SP6: variants seen among roughly 807,000 people sequenced by gnomAD.
The protein encoded by SP6 is transcription factor Sp6.
Under a neutral mutation model 23.4 loss-of-function variants are expected in SP6, and 10 were observed. The observed-to-expected ratio is 0.43, with a 90% CI of 0.26 to 0.72. The LOEUF is 0.72. Ranked by LOEUF, SP6 falls within the 30% of genes least tolerant of loss-of-function variation. SP6 has a pLI of 0.23. For synonymous variants in SP6, 238 were observed against 238.7 expected, an observed-to-expected ratio of 1.00 and a Z score of 0.03; for missense variants, 482 against 523.8, an observed-to-expected ratio of 0.92 and a Z score of 0.78.
At chr17:47,861,372 A>C in the SP6 span, among the ~76,000 whole-genome samples, 2 of 152,224 alleles carry the variant, frequency 1.3e-5, no homozygotes, top group Non-Finnish European at 2.9e-5. Context: ...TCCAAGAGTC[A>C]GCTGATCCCA....
chr17:47,860,043 T>C (rs1321772993), upstream of SP6, among the ~76,000 whole-genome samples: 1 of 151,982 alleles, frequency 6.6e-6, no homozygotes, highest in African/African-American at 2.4e-5. Context: ...TAGCCCCCCA[T>C]TACCTACAGG....
the SP6 span, among the ~76,000 whole-genome samples, chr17:47,870,561 C>T: frequency 6.6e-6 from 1 of 152,018 alleles, no homozygotes; most frequent in Non-Finnish European, 1.5e-5. Flanking sequence ...TGAACAAAAG[C>T]CAGGATTATT....
rs1204765042 is a variant in SP6 at position 47,845,704 on chromosome 17, A to G, written c.*1595T>C. 1 of 152,650 alleles carries G rather than the reference A, an allele frequency of 6.6e-6. No individual in the cohort carries two copies. The highest frequency in any genetic ancestry group is 1.5e-5 in the Non-Finnish European group (1 of 68,052). The allele number at this position is 152,650 out of a possible 1,614,324, so 9.5% of individuals were successfully genotyped here. ...AACACACATACATGCACACAGGTAC[A>G]CACAACATGCACACACATAACCTAA... On this transcript the variant is annotated 3_prime_UTR_variant, in exon 2 of 2. Coordinates refer to ENST00000536300, the MANE Select transcript of SP6 (RefSeq NM_001258248.2).
chr17:47,854,483 C>T (rs1370464731), upstream of SP6, among the ~76,000 whole-genome samples: 1 of 152,202 alleles, frequency 6.6e-6, no homozygotes. Flanking sequence ...CCTACTAGTC[C>T]ATCTGGCCTC....
chr17:47,866,984 C>G, the SP6 span, among the ~76,000 whole-genome samples: 1 of 152,022 alleles, frequency 6.6e-6, no homozygotes, highest in Non-Finnish European at 1.5e-5. Flanking sequence ...GGACACGCCA[C>G]GCTGGGAATC....
the SP6 span, among the ~76,000 whole-genome samples, chr17:47,864,094 T>C: frequency 7.3e-5 from 11 of 150,094 alleles, no homozygotes; most frequent in Admixed American, 5.3e-4. Flanking sequence ...TCCACTCACC[T>C]TGGCCTCCCA....
At chr17:47,860,444 C>G (rs2034027409), upstream of SP6, among the ~76,000 whole-genome samples, 1 of 152,174 alleles carries the variant, frequency 6.6e-6, no homozygotes, top group Non-Finnish European at 1.5e-5. Flanking sequence ...ATCTTTGAAT[C>G]TCCCCCAGCA....
upstream of SP6, among the ~76,000 whole-genome samples, chr17:47,859,233 A>T (rs927498690): frequency 3.3e-5 from 5 of 152,098 alleles, no homozygotes; most frequent in African/African-American, 1.2e-4. Context: ...AGCTCAGCCC[A>T]ATGGATTTAA....
chr17:47,873,831 C>A, the SP6 span, among the ~76,000 whole-genome samples: 1 of 143,266 alleles, frequency 7.0e-6, no homozygotes, highest in African/African-American at 2.6e-5. Flanking sequence ...CTCCCCCCTT[C>A]CTTCCTTCTT....
the SP6 span, among the ~76,000 whole-genome samples, chr17:47,864,030 GATGGGGTTTCACC>G: frequency 3.0e-5 from 4 of 131,780 alleles, no homozygotes; most frequent in African/African-American, 1.1e-4. Flanking sequence ...TTTTAGTAGA[GATGGGGTTTCACC>G]ATGTTGGTCA....
At chr17:47,864,805 G>T in the SP6 span, 1 of 152,668 alleles carries the variant, frequency 6.6e-6, no homozygotes. Context: ...TTGCTCTCCT[G>T]GGTCTTGTCT....
At chr17:47,855,151 A>G (rs1030697131), upstream of SP6, among the ~76,000 whole-genome samples, 1 of 152,212 alleles carries the variant, frequency 6.6e-6, no homozygotes. Context: ...TTTTCAGTCT[A>G]GAAGATGAAC....
Position 47,848,275 on chromosome 17 carries a change from A to G in SP6, c.155T>C (p.Leu52Pro). Residue 52 changes from leucine to proline, a missense_variant, in exon 2 of 2, where the codon CTG becomes CCG. This residue lies in a region of SP6 where 330 missense variants were observed against 332.3 expected (regional missense o/e 0.99). Transcript: ENST00000536300. The surrounding 1 kb of genome is among the most constrained non-coding windows in gnomAD (Gnocchi z 5.3). The part of the protein sequence containing the change: ...DYPSPLQPGE[L>P]QSLPLGPEVD... ...CTCCGGGCCCAGCGGGAGGCTCTGCAGCTCTCCAGGCTGCAGCGGGGAGGG... is the reference window on the plus strand; with the variant it reads ...CTCCGGGCCCAGCGGGAGGCTCTGCGGCTCTCCAGGCTGCAGCGGGGAGGG... The G allele has an allele frequency of 6.2e-7, 1 of 1,612,006 alleles. No individual in the cohort carries two copies. The highest frequency in any genetic ancestry group is 8.5e-7 in the Non-Finnish European group (1 of 1,179,048).
chr17:47,873,117 T>A, the SP6 span, among the ~76,000 whole-genome samples: 1 of 152,128 alleles, frequency 6.6e-6, no homozygotes, highest in African/African-American at 2.4e-5. Context: ...ACACAATTGC[T>A]ATGCAAACCA....
At position 47,847,774 on chromosome 17, in the gene SP6, A is replaced by C; in HGVS notation, c.656T>G (p.Val219Gly). Residue 219 changes from valine to glycine, a missense_variant, in exon 2 of 2, where the codon GTG (valine) becomes GGG (glycine). Coordinates refer to ENST00000536300, the MANE Select transcript of SP6 (RefSeq NM_001258248.2). ...AARPKGSRRS[V>G]PRSSGQTVCR... is the part of the protein sequence containing the mutation. ...GACGGTCTGGCCTGAGCTGCGGGGC[A>C]CCGACCGCCGGGAGCCTTTGGGACG... 2 of 1,551,926 alleles carry C rather than the reference A, an allele frequency of 1.3e-6. No homozygotes were observed. Among genetic ancestry groups the C allele is most frequent in the Non-Finnish European group, 1.7e-6 (2 of 1,150,862 alleles).
upstream of SP6, among the ~76,000 whole-genome samples, chr17:47,857,796 T>G (rs2034008731): frequency 1.3e-5 from 2 of 152,138 alleles, no homozygotes; most frequent in African/African-American, 4.8e-5. Flanking sequence ...AGTCCTGGCT[T>G]CTGGCCTTTG....
chr17:47,847,501 C>T lies in SP6; in HGVS notation c.929G>A (p.Gly310Asp). 6.2e-7 allele frequency: 1 copy of T among 1,613,798 alleles called. No individual in the cohort carries two copies. Among genetic ancestry groups the T allele is most frequent in the Non-Finnish European group, 8.5e-7 (1 of 1,179,950 alleles). Residue 310 changes from glycine to aspartate, a missense_variant, in exon 2 of 2, where the codon GGC becomes GAC. Physicochemically the swap from Gly to Asp is moderately conservative, Grantham distance 94. Coordinates refer to ENST00000536300, the MANE Select transcript of SP6 (RefSeq NM_001258248.2). The stretch of plus-strand genomic sequence containing the variant: ...GACTGCACAGGGGAACTTCTTGGTG[C>T]CGGTGTGGGTCTGGAGGTGGCGCTG... Reference protein sequence around the residue: ...ELQRHLQTHTGTKKFPCAVCS... With the variant: ...ELQRHLQTHTDTKKFPCAVCS...
chr17:47,872,392 G>A, the SP6 span, among the ~76,000 whole-genome samples: 1 of 152,162 alleles, frequency 6.6e-6, no homozygotes, highest in Non-Finnish European at 1.5e-5. Flanking sequence ...TTGTTTGCCG[G>A]GAAAGGACAG....
chr17:47,862,562 A>C, the SP6 span, among the ~76,000 whole-genome samples: 1 of 152,168 alleles, frequency 6.6e-6, no homozygotes, highest in Admixed American at 6.5e-5. Flanking sequence ...CCATTTCTCA[A>C]AGGCTGTGAA....
Sources: allele counts gnomAD v4.1 joint callset (sites outside exome capture counted in the v4.1 genomes callset), GRCh38; gene constraint gnomAD v4.1.1; regional missense constraint gnomAD v4.1.1; non-coding constraint Gnocchi (gnomAD v3.1); transcripts MANE v1.5; gene names NCBI Gene and HGNC (gene_info 2026-07-23, HGNC 2026-07-21).